The following FASTKD3 variants were observed in gnomAD, a reference collection of about 807,000 sequenced individuals.
FASTKD3 encodes FAST kinase domains 3.
In FASTKD3, 47 loss-of-function variants were observed where a neutral mutation model predicts 49.7. The ratio of observed to expected loss-of-function variants is 0.95; its 90% CI spans 0.75 to 1.21. The LOEUF (loss-of-function observed/expected upper bound fraction) is 1.21, where lower values mean the gene tolerates loss of function less well. Among genes scored for constraint, FASTKD3 ranks in the 50% most tolerant of loss-of-function variants. FASTKD3 has a pLI of 0.00. For missense variants in FASTKD3, 748 were observed against 765.7 expected, an observed-to-expected ratio of 0.98 and a Z score of 0.27; for synonymous variants, 284 against 288.6, an observed-to-expected ratio of 0.98 and a Z score of 0.16.
intron 6 of FASTKD3, among the ~76,000 whole-genome samples, chr5:7,860,912 T>C (rs1201195348): frequency 2.0e-5 from 3 of 152,198 alleles, no homozygotes; most frequent in African/African-American, 7.2e-5. Flanking sequence ...GCAGCAAGAA[T>C]ATGTAACTGT....
chr5:7,864,193 A>T (rs188664995), intron 3 of FASTKD3, among the ~76,000 whole-genome samples: 1 of 152,194 alleles, frequency 6.6e-6, no homozygotes, highest in Non-Finnish European at 1.5e-5. Context: ...AAAATGATAG[A>T]TATGGAGGTA....
At chr5:7,860,536 A>T (rs746575863) in intron 6 of FASTKD3, among the ~76,000 whole-genome samples, 8 of 152,348 alleles carry the variant, frequency 5.3e-5, no homozygotes, top group Non-Finnish European at 8.8e-5. Context: ...ACTTTTGAAA[A>T]ATCAAAGCTC....
intron 3 of FASTKD3, 78 bp downstream of exon 3, chr5:7,865,820 G>T: frequency 1.8e-6 from 2 of 1,084,114 alleles, no homozygotes; most frequent in Non-Finnish European, 2.8e-6. Context: ...AGGTTATTGA[G>T]ACAGATCAGA....
intron 2 of FASTKD3, 81 bp downstream of exon 2, chr5:7,866,565 A>G: frequency 5.8e-6 from 6 of 1,033,704 alleles, no homozygotes; most frequent in Non-Finnish European, 7.1e-6. Context: ...AAGGCAACAT[A>G]TTGCCTTTAT....
At chr5:7,864,194 T>TA (rs1288556010) in intron 3 of FASTKD3, among the ~76,000 whole-genome samples, 1 of 152,186 alleles carries the variant, frequency 6.6e-6, no homozygotes, top group Non-Finnish European at 1.5e-5. Context: ...AAATGATAGA[T>TA]ATGGAGGTAA....
chr5:7,861,636 T>G lies in FASTKD3; in HGVS notation c.1716A>C (p.Leu572Phe). The change falls in exon 5 of 7, where the codon TTA becomes TTC. Residue 572 changes from leucine (L) to phenylalanine (F), a missense_variant. Leu to Phe is a conservative substitution (Grantham distance 22). Around this residue, in one of 3 missense-constraint regions of FASTKD3, gnomAD observed 178 missense variants for 182.2 expected, o/e 0.98. Transcript: ENST00000264669. ...YCYTIDVEIK[L>F]DEEGFVLPST... Reference sequence around the variant, plus strand: ...ATGGCAATACAAATCCTTCTTCATCTAATTTAATTTCAACATCTGGTGAGA... The same window carrying G: ...ATGGCAATACAAATCCTTCTTCATCGAATTTAATTTCAACATCTGGTGAGA... 1 of 1,608,836 alleles carries G rather than the reference T, an allele frequency of 6.2e-7. No homozygotes were observed. The highest frequency in any genetic ancestry group is 8.5e-7 in the Non-Finnish European group (1 of 1,177,338).
At chr5:7,864,353 T>A (rs1278676632) in intron 3 of FASTKD3, among the ~76,000 whole-genome samples, 4 of 152,134 alleles carry the variant, frequency 2.6e-5, no homozygotes, top group Non-Finnish European at 5.9e-5. Flanking sequence ...CTAAATAAAA[T>A]TTAAAAGATA....
In FASTKD3 at chr5:7,867,311, G is replaced by C. The variant is rs753902865; in HGVS notation, c.773C>G (p.Ala258Gly). 6.2e-7 allele frequency: 1 copy of C among 1,613,620 alleles called. No homozygotes were observed. The highest frequency in any genetic ancestry group is 8.5e-7 in the Non-Finnish European group (1 of 1,180,042). Residue 258 changes from alanine to glycine, a missense_variant, in exon 2 of 7, where the codon GCC becomes GGC. Physicochemically the swap from Ala to Gly is moderately conservative, Grantham distance 60. Transcript: ENST00000264669. ...LETFTPEDIVALYRILQACTE... is the reference protein window; with the variant it reads ...LETFTPEDIVGLYRILQACTE... ...ACATGCCTGCAAGATTCTATAAAGG[G>C]CCACAATATCCTCCGGGGTAAATGT...
In FASTKD3 at chr5:7,868,069, G is replaced by A; in HGVS notation, c.15C>T (p.Thr5=). 1 of 1,606,056 alleles carries A rather than the reference G, an allele frequency of 6.2e-7. No homozygotes were observed. MALI[T]LRKNLYRLSD... ...ATAAACGATAAAGGTTCTTCCTCAA[G>A]GTGATTAATGCCATACCATCAGATT... Residue 5 remains threonine (T), a synonymous_variant, in exon 2 of 7, where the codon ACC becomes ACT. Transcript: ENST00000264669.
chr5:7,868,768 G>A (rs1340695115), intron 1 of FASTKD3, among the ~76,000 whole-genome samples: 8 of 152,160 alleles, frequency 5.3e-5, no homozygotes, highest in Non-Finnish European at 1.2e-4. Context: ...GGGGGATTTG[G>A]CAACACGTGT....
At position 7,867,046 on chromosome 5, in the gene FASTKD3, G is replaced by C. The variant is rs1267759741; in HGVS notation, c.1038C>G (p.His346Gln). ...RVLEAFIYFG[H>Q]HDTFFTKALE... ...GGGCTTTTGTAAAAAATGTGTCATG[G>C]TGCCCAAAATATATGAACGCCTCCA... The change falls in exon 2 of 7, where the codon CAC becomes CAG. Residue 346 changes from histidine to glutamine, a missense_variant. His to Gln is a conservative substitution (Grantham distance 24, BLOSUM62 0). Around this residue, in one of 3 missense-constraint regions of FASTKD3, gnomAD observed 564 missense variants for 562.8 expected, o/e 1.00. Coordinates refer to ENST00000264669, the MANE Select transcript of FASTKD3 (RefSeq NM_024091.4). The C allele has an allele frequency of 6.2e-7, 1 of 1,614,168 alleles. No homozygotes were observed. The highest frequency in any genetic ancestry group is 8.5e-7 in the Non-Finnish European group (1 of 1,180,026).
intron 1 of FASTKD3, 30 bp from the exon 2 acceptor site, chr5:7,868,226 A>G (rs1747193345): frequency 1.7e-6 from 1 of 600,044 alleles, no homozygotes; most frequent in Non-Finnish European, 2.8e-6. Context: ...AAAAAAAAGG[A>G]TGGTTAACAT....
intron 4 of FASTKD3, among the ~76,000 whole-genome samples, chr5:7,862,464 C>T (rs2126596370): frequency 6.6e-6 from 1 of 152,186 alleles, no homozygotes; most frequent in Middle Eastern, 3.4e-3. Flanking sequence ...CAGTACAAGC[C>T]TAGGTTATAG....
At position 7,861,174 on chromosome 5, in the gene FASTKD3, T is replaced by A. The variant is rs1373540116; in HGVS notation, c.1859A>T (p.Gln620Leu). ...CTGAACAACTTGATAACCGAGTAAC[T>A]GTAGGTGTCTTTGTTTAATAGCTTC... ...GKEAIKQRHL[Q>L]LLGYQVVQIP... The change falls in exon 6 of 7, where the codon CAG becomes CTG. Residue 620 changes from glutamine to leucine, a missense_variant. Transcript: ENST00000264669. 3.7e-6 allele frequency: 6 copies of A among 1,610,628 alleles called. No individual in the cohort carries two copies. Among genetic ancestry groups the A allele is most frequent in the Middle Eastern group, 1.6e-4 (1 of 6,068 alleles).
Position 7,868,963 on chromosome 5 carries a change from C to A in FASTKD3, c.-114+16G>T, listed in dbSNP as rs1212521686. 1.3e-6 allele frequency: 1 copy of A among 767,706 alleles called. No individual in the cohort carries two copies. Among genetic ancestry groups the A allele is most frequent in the Non-Finnish European group, 2.3e-6 (1 of 438,248 alleles). 47.6% of individuals were successfully genotyped at this position (767,706 alleles called of 1,614,324 possible). On this transcript the variant is annotated intron_variant, in intron 1 of 6. Coordinates refer to ENST00000264669, the MANE Select transcript of FASTKD3 (RefSeq NM_024091.4). ...CAGCCGGACCAACTGCGCGGAGACC[C>A]CGCGTTGACACCTACCGCGCTCTGC...
rs1359800152 is a variant in FASTKD3 at position 7,867,805 on chromosome 5, A to G, written c.279T>C (p.Asn93=). The change falls in exon 2 of 7, where the codon AAT becomes AAC. Residue 93 remains asparagine (N), a synonymous_variant. Coordinates refer to ENST00000264669, the MANE Select transcript of FASTKD3 (RefSeq NM_024091.4). The part of the protein sequence containing the change: ...QVSDCDRLEQ[N]VKNEESQMFY... ...ACATCTGACTCTCCTCATTTTTAAC[A>G]TTTTGTTCAAGCCTGTCGCAGTCAG... The G allele has an allele frequency of 1.9e-6, 3 of 1,614,002 alleles. No homozygotes were observed. The Admixed American group carries it at 5.0e-5, about 27-fold the overall frequency.
At chr5:7,861,796 A>G in intron 4 of FASTKD3, 144 bp from the exon 5 acceptor site, 1 of 1,380,340 alleles carries the variant, frequency 7.2e-7, no homozygotes, top group South Asian at 1.8e-5. Context: ...GACCACAACC[A>G]AACAATGGTG....
intron 4 of FASTKD3, 122 bp from the exon 5 acceptor site, chr5:7,861,774 C>T (rs546714029): frequency 1.7e-5 from 24 of 1,449,662 alleles, no homozygotes; most frequent in Non-Finnish European, 2.1e-5. Flanking sequence ...GGACTGAAGG[C>T]TGCAAAGTAA....
At position 7,867,276 on chromosome 5, in the gene FASTKD3, C is replaced by T. The variant is rs1369481030; in HGVS notation, c.808G>A (p.Val270Met). The T allele has an allele frequency of 6.2e-7, 1 of 1,613,756 alleles. No individual in the cohort carries two copies. The highest frequency in any genetic ancestry group is 8.5e-7 in the Non-Finnish European group (1 of 1,180,022). ...YRILQACTEKVDEHQTFLNKI... is the reference protein window; with the variant it reads ...YRILQACTEKMDEHQTFLNKI... ...TTTAAAAATGTTTGGTGTTCATCCACTTTTTCAGTACATGCCTGCAAGATT... is the reference window on the plus strand; with the variant it reads ...TTTAAAAATGTTTGGTGTTCATCCATTTTTTCAGTACATGCCTGCAAGATT... The change falls in exon 2 of 7, where the codon GTG becomes ATG. Residue 270 changes from valine to methionine, a missense_variant. Physicochemically the swap from Val to Met is conservative, Grantham distance 21 (BLOSUM62 1). Coordinates refer to ENST00000264669, the MANE Select transcript of FASTKD3 (RefSeq NM_024091.4).
Sources: gnomAD v4.1 joint callset for allele counts (sites outside exome capture counted in the v4.1 genomes callset) on GRCh38, gnomAD v4.1.1 for gene constraint, gnomAD v4.1.1 regional missense constraint, MANE v1.5 for transcripts, NCBI Gene and HGNC (gene_info 2026-07-23, HGNC 2026-07-21) for gene names.